Variants in HECTD4 observed in about 807,000 individuals in gnomAD.
The protein encoded by HECTD4 is HECT domain E3 ubiquitin protein ligase 4.
Under a neutral mutation model 471.5 loss-of-function variants are expected in HECTD4, and 114 were observed. The ratio of observed to expected loss-of-function variants is 0.24; its 90% CI spans 0.21 to 0.28. The LOEUF (loss-of-function observed/expected upper bound fraction) is 0.28. HECTD4 is among the 10% of genes least tolerant of loss of function. The probability of loss-of-function intolerance (pLI) is 1.00; values close to 1 mark genes in which losing one functional copy is unlikely to be tolerated. For missense variants in HECTD4, 3,866 were observed against 5,651.5 expected (o/e 0.68, Z 10.13); for synonymous variants, 2,012 against 2,256.0 (o/e 0.89, Z 3.07).
chr12:112,304,496 A>C (rs951178464), intron 7 of HECTD4, among the ~76,000 whole-genome samples: 15 of 151,954 alleles, frequency 9.9e-5, no homozygotes, highest in African/African-American at 3.6e-4. Flanking sequence ...GAGCAGGAGC[A>C]CCGTCATCTC....
At position 112,323,989 on chromosome 12, in the gene HECTD4, C is replaced by T. The variant is rs71465836; in HGVS notation, c.178-4247G>A. On this transcript the variant is annotated intron_variant, in intron 1 of 75. Transcript: ENST00000682272. ...TTCTTCCTTCCTTCCTTCCTTCCTTCCTTCCTTCCTTCCTTCCTTCCTTCC... is the reference window on the plus strand; with the variant it reads ...TTCTTCCTTCCTTCCTTCCTTCCTTTCTTCCTTCCTTCCTTCCTTCCTTCC... Among the ~76,000 whole-genome samples, 658 of 31,504 alleles carry T rather than the reference C, an allele frequency of 0.021. 88 individuals carry two copies. In the East Asian group the frequency reaches 0.29, roughly 14 times the overall value. The allele number at this position is 31,504 out of a possible 152,430, so 20.7% of individuals were successfully genotyped here. A position where few individuals can be genotyped will look rare whatever the true frequency, so the allele number is the denominator to read the frequency against.
At chr12:112,246,506 C>A (rs537966432) in intron 29 of HECTD4, among the ~76,000 whole-genome samples, 1 of 152,006 alleles carries the variant, frequency 6.6e-6, no homozygotes, top group African/African-American at 2.4e-5. Flanking sequence ...TGGTGGCATG[C>A]GCCTGTAATC....
intron 70 of HECTD4, among the ~76,000 whole-genome samples, chr12:112,168,613 A>G (rs1457050185): frequency 6.6e-6 from 1 of 152,148 alleles, no homozygotes; most frequent in Non-Finnish European, 1.5e-5. Flanking sequence ...GCAGGGGCAG[A>G]TGGTGGGCCT....
chr12:112,371,009 GA>G (rs2036656062), intron 1 of HECTD4, among the ~76,000 whole-genome samples: 1 of 152,152 alleles, frequency 6.6e-6, no homozygotes, highest in African/African-American at 2.4e-5. Context: ...GTGGGGAGGG[GA>G]AAGCATGGGG....
intron 8 of HECTD4, among the ~76,000 whole-genome samples, chr12:112,282,003 A>G (rs2034652683): frequency 6.6e-6 from 1 of 152,180 alleles, no homozygotes; most frequent in South Asian, 2.1e-4. Context: ...TGACAGATAC[A>G]TATAAAATGA....
rs560447390 is a variant in HECTD4, at chr12:112,247,226, T to A, written c.4338-150A>T. The stretch of plus-strand genomic sequence containing the variant: ...CATTGCTTACTTCCCTGTTTCCTCA[T>A]CCAAGTAACACTGTTAGAAACTCTG... On this transcript the variant is annotated intron_variant, in intron 28 of 75. Transcript: ENST00000682272. The A allele has an allele frequency of 9.1e-5, 63 of 691,402 alleles. No homozygotes were observed. In the South Asian group the frequency reaches 1.3e-3, roughly 14 times the overall value. The allele number at this position is 691,402 out of a possible 1,614,324, so 42.8% of individuals were successfully genotyped here. A position where few individuals can be genotyped will look rare whatever the true frequency, so the allele number is the denominator to read the frequency against.
intron 45 of HECTD4, 125 bp from the exon 46 acceptor site, chr12:112,217,320 CACACACACACACACAT>C (rs914449894): frequency 3.4e-5 from 13 of 384,242 alleles, no homozygotes; most frequent in East Asian, 1.7e-4. Flanking sequence ...CACACACATA[CACACACACACACACAT>C]ACACACACAC....
intron 55 of HECTD4, among the ~76,000 whole-genome samples, chr12:112,197,930 G>T (rs1371419203): frequency 2.0e-5 from 3 of 152,114 alleles, no homozygotes; most frequent in African/African-American, 4.8e-5. Flanking sequence ...CTGCCTCCTG[G>T]GATCAAGTGA....
chr12:112,235,445 C>A lies in HECTD4; in HGVS notation c.5725+59G>T, dbSNP rs1045952334. The A allele has an allele frequency of 7.1e-6, 11 of 1,544,458 alleles. No homozygotes were observed. The highest frequency in any genetic ancestry group is 9.6e-6 in the Non-Finnish European group (11 of 1,145,898). ...TAGGAAGCACAGATGCAAGGGGGAC[C>A]TGACTGGGCACAGGAATGCTGCACT... On this transcript the variant is annotated intron_variant, in intron 36 of 75. Transcript: ENST00000682272. This position sits in a 1 kb window ranked among gnomAD's most constrained non-coding sequence, Gnocchi z 5.0.
chr12:112,231,456 C>A, intron 39 of HECTD4, 57 bp downstream of exon 39: 1 of 1,523,890 alleles, frequency 6.6e-7, no homozygotes, highest in South Asian at 1.1e-5. Context: ...AAAAACAAAC[C>A]CATTATAAAG....
chr12:112,357,309 A>G (rs1476641536), intron 1 of HECTD4, among the ~76,000 whole-genome samples: 2 of 152,250 alleles, frequency 1.3e-5, no homozygotes, highest in Non-Finnish European at 2.9e-5. Context: ...GAGAAGAGAA[A>G]GAATTTAACT....
In HECTD4 at chr12:112,190,861, C is replaced by T. The variant is rs1354131061; in HGVS notation, c.9397G>A (p.Asp3133Asn). Reference sequence around the variant, plus strand: ...TCATCTTCGGACTTCCCTTCACTGTCCTCTGATTTCCAGGACAGCAGCTGC... The same window carrying T: ...TCATCTTCGGACTTCCCTTCACTGTTCTCTGATTTCCAGGACAGCAGCTGC... ...AEQLLSWKSE[D>N]SEGKSEDEPD... Residue 3133 changes from aspartate (D) to asparagine (N), a missense_variant, in exon 60 of 76, where the codon GAC becomes AAC. Physicochemically the swap from Asp to Asn is conservative, Grantham distance 23 (BLOSUM62 1). Transcript: ENST00000682272. 6.3e-7 allele frequency: 1 copy of T among 1,582,520 alleles called. No individual in the cohort carries two copies. Among genetic ancestry groups the T allele is most frequent in the Non-Finnish European group, 8.6e-7 (1 of 1,164,422 alleles).
Position 112,266,937 on chromosome 12 carries a change from G to T in HECTD4, c.2367C>A (p.Asn789Lys). 1 of 1,529,966 alleles carries T rather than the reference G, an allele frequency of 6.5e-7. No homozygotes were observed. The highest frequency in any genetic ancestry group is 8.9e-7 in the Non-Finnish European group (1 of 1,125,118). The allele number at this position is 1,529,966 out of a possible 1,614,324, so 94.8% of individuals were successfully genotyped here. The change falls in exon 14 of 76, where the codon AAC becomes AAA. Residue 789 changes from asparagine (N) to lysine (K), a missense_variant. Physicochemically the swap from Asn to Lys is moderately conservative, Grantham distance 94 (BLOSUM62 0). Transcript: ENST00000682272. Reference protein sequence around the residue: ...ILYPGETEINNLLKLVLTEGE... With the variant: ...ILYPGETEINKLLKLVLTEGE... ...CTTCTGTTAAGACCAGTTTAAGTAA[G>T]TTATTGATTTCAGTTTCACCTGGGT...
rs778085268 is a variant in HECTD4, at chr12:112,200,691, C to T, written c.8514G>A (p.Arg2838=). 6.2e-7 allele frequency: 1 copy of T among 1,613,920 alleles called. No individual in the cohort carries two copies. Among genetic ancestry groups the T allele is most frequent in the South Asian group, 1.1e-5 (1 of 91,070 alleles). Residue 2838 remains arginine (R), a synonymous_variant, in exon 55 of 76, where the codon AGG becomes AGA. Transcript: ENST00000682272. ...MLERPPAGYR[R]TATNGLVTLD... is the part of the protein sequence containing the mutation. Reference sequence around the variant, plus strand: ...GTGTGACCAGCCCATTGGTGGCAGTCCTTCGGTAGCCTGCTGGGGGCCTTT... The same window carrying T: ...GTGTGACCAGCCCATTGGTGGCAGTTCTTCGGTAGCCTGCTGGGGGCCTTT...
intron 1 of HECTD4, among the ~76,000 whole-genome samples, chr12:112,354,910 C>G (rs918887032): frequency 3.3e-5 from 5 of 151,998 alleles, no homozygotes; most frequent in African/African-American, 1.2e-4. Context: ...ATGAGCGCTG[C>G]CCTACAGGTC....
At chr12:112,332,349 C>G (rs1367130646) in intron 1 of HECTD4, among the ~76,000 whole-genome samples, 1 of 151,804 alleles carries the variant, frequency 6.6e-6, no homozygotes, top group African/African-American at 2.4e-5. Flanking sequence ...CCTGGCCAAC[C>G]AACATGGTGA....
intron 8 of HECTD4, among the ~76,000 whole-genome samples, chr12:112,280,552 ATGCTTG>A (rs1406935710): frequency 6.6e-6 from 1 of 152,114 alleles, no homozygotes; most frequent in Non-Finnish European, 1.5e-5. Context: ...TTTGTTTTGA[ATGCTTG>A]TGCTTCTAAA....
chr12:112,310,359 A>G (rs1371679145), intron 4 of HECTD4, among the ~76,000 whole-genome samples: 2 of 152,206 alleles, frequency 1.3e-5, no homozygotes, highest in Non-Finnish European at 2.9e-5. Context: ...CAAAAGTTTC[A>G]TATCTTTTCT....
At chr12:112,333,648 G>C (rs2035885396) in intron 1 of HECTD4, among the ~76,000 whole-genome samples, 1 of 152,010 alleles carries the variant, frequency 6.6e-6, no homozygotes, top group South Asian at 2.1e-4. Flanking sequence ...ACGAGTTCAA[G>C]ACCGGGGCAA....
Sources: allele counts gnomAD v4.1 joint callset (sites outside exome capture counted in the v4.1 genomes callset), GRCh38; gene constraint gnomAD v4.1.1; non-coding constraint Gnocchi (gnomAD v3.1); transcripts MANE v1.5; gene names NCBI Gene and HGNC (gene_info 2026-07-23, HGNC 2026-07-21).